PCED1B: variants seen among roughly 807,000 people sequenced by gnomAD.
PCED1B encodes PC-esterase domain containing 1B.
For missense variants in PCED1B, 573 were observed against 573.9 expected, an observed-to-expected ratio of 1.00 and a Z score of 0.02; for synonymous variants, 251 against 246.1, an observed-to-expected ratio of 1.02 and a Z score of -0.19.
At chr12:47,126,162 T>A (rs2408717) in intron 2 of PCED1B, among the ~76,000 whole-genome samples, 36,998 of 151,544 alleles carry the variant, frequency 0.24, 5,728 homozygotes, top group East Asian at 0.45. Flanking sequence ...AGAAAAAAAA[T>A]TTTTTTTCAG....
intron 2 of PCED1B, among the ~76,000 whole-genome samples, chr12:47,191,941 CT>C (rs754830437): frequency 6.6e-6 from 1 of 152,084 alleles, no homozygotes; most frequent in East Asian, 1.9e-4. Context: ...ATAGGAGCAC[CT>C]AACATGGCGC....
At chr12:47,082,175 A>T (rs1400834836) in intron 1 of PCED1B, among the ~76,000 whole-genome samples, 1 of 152,212 alleles carries the variant, frequency 6.6e-6, no homozygotes, top group African/African-American at 2.4e-5. Context: ...CCCTCTTTCC[A>T]CTAGAAGGTA....
intron 1 of PCED1B, among the ~76,000 whole-genome samples, chr12:47,083,003 A>T (rs562267264): frequency 1.3e-5 from 2 of 149,710 alleles, no homozygotes; most frequent in African/African-American, 4.9e-5. Flanking sequence ...TGAATCTAGT[A>T]TGCTGAGAAG....
intron 2 of PCED1B, among the ~76,000 whole-genome samples, chr12:47,111,267 T>G (rs2137262235): frequency 6.6e-6 from 1 of 152,302 alleles, no homozygotes. Context: ...ACACCTGTAT[T>G]AGAGTGTTGG....
At chr12:47,127,936 C>A (rs1336998302) in intron 2 of PCED1B, among the ~76,000 whole-genome samples, 1 of 152,156 alleles carries the variant, frequency 6.6e-6, no homozygotes, top group African/African-American at 2.4e-5. Flanking sequence ...GTTGAGAGTG[C>A]ACATTCATTT....
chr12:47,189,389 G>T (rs4768779), intron 2 of PCED1B, among the ~76,000 whole-genome samples: 3 of 152,014 alleles, frequency 2.0e-5, no homozygotes, highest in African/African-American at 7.2e-5. Flanking sequence ...TTCTTGTGCC[G>T]TGAATGGAGA....
At position 47,086,344 on chromosome 12, in the gene PCED1B, T is replaced by C. The variant is rs78885004; in HGVS notation, c.-609+6619T>C. Reference sequence around the variant, plus strand: ...ATTTTTCCTAATTCTTAAAGTACTGTACTATGTGCTTATGGTAAAAAAAAA... The same window carrying C: ...ATTTTTCCTAATTCTTAAAGTACTGCACTATGTGCTTATGGTAAAAAAAAA... On this transcript the variant is annotated intron_variant, in intron 1 of 3. Coordinates refer to ENST00000546455, the MANE Select transcript of PCED1B (RefSeq NM_138371.3). Among the ~76,000 whole-genome samples, 1,105 of 133,830 alleles carry C rather than the reference T, an allele frequency of 8.3e-3. 8 individuals carry two copies. The highest frequency in any genetic ancestry group is 0.031 in the African/African-American group (1,057 of 33,942). 87.8% of individuals were successfully genotyped at this position (133,830 alleles called of 152,430 possible).
chr12:47,119,820 C>T (rs963762305), intron 2 of PCED1B, among the ~76,000 whole-genome samples: 2 of 151,782 alleles, frequency 1.3e-5, no homozygotes, highest in African/African-American at 4.8e-5. Context: ...CAAAAATTAG[C>T]CAGGCATGGT....
chr12:47,127,460 C>T (rs549693682), intron 2 of PCED1B, among the ~76,000 whole-genome samples: 77 of 151,120 alleles, frequency 5.1e-4, no homozygotes, highest in African/African-American at 1.9e-3. Flanking sequence ...CCTCTGCCTC[C>T]CAGGTTCAAG....
rs117334738 is a variant in PCED1B at position 47,182,620 on chromosome 12, C to G, written c.-525-33602C>G. Among the ~76,000 whole-genome samples, 546 of 152,038 alleles carry G rather than the reference C, an allele frequency of 3.6e-3. 10 individuals carry two copies. In the South Asian group the frequency reaches 0.041, roughly 11 times the overall value. Reference sequence around the variant, plus strand: ...AAAAAAAGAAAAAAAAAGAATACTACTATGTTGAGTGCTTTATACCTATTA... The same window carrying G: ...AAAAAAAGAAAAAAAAAGAATACTAGTATGTTGAGTGCTTTATACCTATTA... On this transcript the variant is annotated intron_variant, in intron 2 of 3. Coordinates refer to ENST00000546455, the MANE Select transcript of PCED1B (RefSeq NM_138371.3).
At chr12:47,088,904 A>G (rs929137586) in intron 1 of PCED1B, among the ~76,000 whole-genome samples, 1 of 152,158 alleles carries the variant, frequency 6.6e-6, no homozygotes, top group Non-Finnish European at 1.5e-5. Context: ...CTTTTGTCTC[A>G]ATTTCCTTTC....
At chr12:47,149,711 A>C (rs1054794836) in intron 2 of PCED1B, among the ~76,000 whole-genome samples, 3 of 152,136 alleles carry the variant, frequency 2.0e-5, no homozygotes, top group Non-Finnish European at 2.9e-5. Flanking sequence ...TTCATTGTGG[A>C]GAATTTAGGA....
chr12:47,118,818 C>T (rs533809945), intron 2 of PCED1B, among the ~76,000 whole-genome samples: 1 of 152,208 alleles, frequency 6.6e-6, no homozygotes, highest in East Asian at 1.9e-4. Flanking sequence ...TCTTCCTATC[C>T]GTGAGCATGG....
chr12:47,233,219 C>T (rs981808747), intron 3 of PCED1B, among the ~76,000 whole-genome samples: 5 of 152,102 alleles, frequency 3.3e-5, no homozygotes, highest in Non-Finnish European at 7.3e-5. Context: ...ATTTTTGGCA[C>T]GATCTTGGCT....
intron 2 of PCED1B, among the ~76,000 whole-genome samples, chr12:47,136,587 C>T (rs1339363010): frequency 6.6e-6 from 1 of 152,204 alleles, no homozygotes; most frequent in Non-Finnish European, 1.5e-5. Flanking sequence ...AAAGATGACT[C>T]TTTGAAAGTA....
At chr12:47,203,258 C>T (rs926505455) in intron 2 of PCED1B, among the ~76,000 whole-genome samples, 1 of 152,104 alleles carries the variant, frequency 6.6e-6, no homozygotes, top group African/African-American at 2.4e-5. Context: ...GCATGAGCCA[C>T]CGTGCCCAGC....
chr12:47,089,169 G>A lies in PCED1B; in HGVS notation c.-609+9444G>A, dbSNP rs941943548. On this transcript the variant is annotated intron_variant, in intron 1 of 3. Coordinates refer to ENST00000546455, the MANE Select transcript of PCED1B (RefSeq NM_138371.3). ...TAAAATATAAACCAAAAGGCCAGGCGTGGTGGCTCACGCCTGTAATCCCAG... is the reference window on the plus strand; with the variant it reads ...TAAAATATAAACCAAAAGGCCAGGCATGGTGGCTCACGCCTGTAATCCCAG... Among the ~76,000 whole-genome samples, 18 of 151,988 alleles carry A rather than the reference G, an allele frequency of 1.2e-4. 1 individual carries two copies. Among genetic ancestry groups the A allele is most frequent in the Admixed American group, 3.3e-4 (5 of 15,242 alleles).
At chr12:47,202,288 G>A (rs887503688) in intron 2 of PCED1B, among the ~76,000 whole-genome samples, 2 of 152,094 alleles carry the variant, frequency 1.3e-5, no homozygotes, top group African/African-American at 4.8e-5. Flanking sequence ...TAAAAGTCTG[G>A]AAAATTATGT....
At chr12:47,139,570 A>T (rs980426842) in intron 2 of PCED1B, among the ~76,000 whole-genome samples, 1 of 152,112 alleles carries the variant, frequency 6.6e-6, no homozygotes, top group African/African-American at 2.4e-5. Context: ...GAGAGTTGGA[A>T]ATAAGGTCAG....
Sources: gnomAD v4.1 joint callset for allele counts (sites outside exome capture counted in the v4.1 genomes callset) on GRCh38, gnomAD v4.1.1 for gene constraint, MANE v1.5 for transcripts, NCBI Gene and HGNC (gene_info 2026-07-23, HGNC 2026-07-21) for gene names.